Variants in PRTG observed in about 807,000 individuals in gnomAD.
The protein encoded by PRTG is immunoglobulin superfamily, DCC subclass, member 5.
In PRTG, 67 loss-of-function variants were observed where a neutral mutation model predicts 122.5. That is an observed-to-expected ratio of 0.55 (90% CI 0.45 to 0.67). The LOEUF is 0.67. PRTG is among the 30% of genes least tolerant of loss of function. The pLI is 0.00. For synonymous variants in PRTG, 554 were observed against 501.1 expected (o/e 1.11, Z -1.41); for missense variants, 1,435 against 1,415.4 (o/e 1.01, Z -0.22).
chr15:55,663,345 A>G (rs962076164), intron 11 of PRTG, among the ~76,000 whole-genome samples: 3 of 152,142 alleles, frequency 2.0e-5, no homozygotes, highest in South Asian at 2.1e-4. Context: ...TTAAAAATTA[A>G]CATATACTGA....
intron 2 of PRTG, among the ~76,000 whole-genome samples, chr15:55,714,163 GAGAAGT>G (rs1175865323): frequency 2.6e-5 from 4 of 151,764 alleles, no homozygotes; most frequent in African/African-American, 4.8e-5. Context: ...GTAACACCCT[GAGAAGT>G]AGTCATCCTT....
At chr15:55,641,384 G>C (rs535328358) in intron 11 of PRTG, among the ~76,000 whole-genome samples, 176 bp from the exon 12 acceptor site, 2 of 152,286 alleles carry the variant, frequency 1.3e-5, no homozygotes, top group African/African-American at 2.4e-5. Flanking sequence ...CACTGCTATT[G>C]TGACTATCTA....
At chr15:55,704,225 A>G (rs1338796786) in intron 2 of PRTG, among the ~76,000 whole-genome samples, 1 of 152,238 alleles carries the variant, frequency 6.6e-6, no homozygotes, top group African/African-American at 2.4e-5. Flanking sequence ...GTTCTGCTTA[A>G]TAGCTCAACT....
Position 55,615,258 on chromosome 15 carries a change from A to C in PRTG, c.*4754T>G, listed in dbSNP as rs1473544905. On this transcript the variant is annotated 3_prime_UTR_variant, in exon 20 of 20. Coordinates refer to ENST00000389286, the MANE Select transcript of PRTG (RefSeq NM_173814.6). ...TTTGTCCCAGGGAGACCTGTGTTAG[A>C]CTTCTGATCTGCAGAACTTAAGAAA... 3 of 152,096 alleles carry C rather than the reference A, an allele frequency of 2.0e-5. No homozygotes were observed. The highest frequency in any genetic ancestry group is 7.2e-5 in the African/African-American group (3 of 41,442). The allele number at this position is 152,096 out of a possible 1,614,324, so 9.4% of individuals were successfully genotyped here.
rs967914941 is a variant in PRTG, at chr15:55,619,874, T to C, written c.*138A>G. On this transcript the variant is annotated 3_prime_UTR_variant, in exon 20 of 20. Transcript: ENST00000389286. The stretch of plus-strand genomic sequence containing the variant: ...GAGCATGGCCGTCTAGATTGGAAAA[T>C]CATTTTTATCAAAGCATAGCATGGC... 3.5e-6 allele frequency: 5 copies of C among 1,441,026 alleles called. No homozygotes were observed. Among genetic ancestry groups the C allele is most frequent in the Non-Finnish European group, 4.7e-6 (5 of 1,074,130 alleles). 89.3% of individuals were successfully genotyped at this position (1,441,026 alleles called of 1,614,324 possible).
intron 12 of PRTG, among the ~76,000 whole-genome samples, chr15:55,640,554 G>A (rs2059283830): frequency 6.6e-6 from 1 of 152,214 alleles, no homozygotes; most frequent in African/African-American, 2.4e-5. Context: ...CAATTGGAGA[G>A]AAACAGCCTC....
At position 55,641,166 on chromosome 15, in the gene PRTG, T is replaced by G; in HGVS notation, c.2084A>C (p.Asn695Thr). The G allele has an allele frequency of 6.2e-7, 1 of 1,614,008 alleles. No individual in the cohort carries two copies. The highest frequency in any genetic ancestry group is 8.5e-7 in the Non-Finnish European group (1 of 1,179,894). ...ATCTGCCTGATAGCCATCGTCTATG[T>G]TGTTGTAAGCCAGGAGTCTCACATG... ...KYHVRLLAYNNIDDGYQADQT... is the reference protein window; with the variant it reads ...KYHVRLLAYNTIDDGYQADQT... The change falls in exon 12 of 20, where the codon AAC (asparagine) becomes ACC (threonine). Residue 695 changes from asparagine to threonine, a missense_variant. Transcript: ENST00000389286.
chr15:55,651,214 C>T (rs2059351535), intron 11 of PRTG, among the ~76,000 whole-genome samples: 1 of 151,960 alleles, frequency 6.6e-6, no homozygotes, highest in African/African-American at 2.4e-5. Flanking sequence ...AAACCTTTCC[C>T]CCCGCCCCCA....
intron 11 of PRTG, among the ~76,000 whole-genome samples, chr15:55,658,289 T>C (rs2059391085): frequency 6.6e-6 from 1 of 152,128 alleles, no homozygotes; most frequent in South Asian, 2.1e-4. Context: ...TGCAGTTAAA[T>C]GTTTGTGCAT....
At chr15:55,634,554 T>C (rs1227783192) in intron 15 of PRTG, among the ~76,000 whole-genome samples, 1 of 152,084 alleles carries the variant, frequency 6.6e-6, no homozygotes, top group East Asian at 1.9e-4. Context: ...TTAAGAAAAC[T>C]GTGAGGCCAG....
chr15:55,648,499 T>C (rs1247060549), intron 11 of PRTG, among the ~76,000 whole-genome samples: 3 of 152,176 alleles, frequency 2.0e-5, no homozygotes, highest in African/African-American at 7.2e-5. Flanking sequence ...AAAAACCCCA[T>C]GCCTTCGTCC....
chr15:55,689,021 A>C (rs939826027), intron 2 of PRTG, among the ~76,000 whole-genome samples: 1 of 152,142 alleles, frequency 6.6e-6, no homozygotes, highest in African/African-American at 2.4e-5. Context: ...TTTAACTCCT[A>C]AACACGTGTC....
intron 7 of PRTG, 111 bp from the exon 8 acceptor site, chr15:55,678,155 T>A: frequency 1.4e-6 from 1 of 701,256 alleles, no homozygotes; most frequent in Non-Finnish European, 2.3e-6. Flanking sequence ...AAATTAAAAT[T>A]AAAATCAAGC....
Position 55,620,157 on chromosome 15 carries a change from C to T in PRTG, c.3308G>A (p.Arg1103Lys), listed in dbSNP as rs765392141. 3 of 1,614,194 alleles carry T rather than the reference C, an allele frequency of 1.9e-6. No individual in the cohort carries two copies. The Admixed American group carries it at 5.0e-5, about 27-fold the overall frequency. The change falls in exon 20 of 20, where the codon AGA becomes AAA. Residue 1103 changes from arginine to lysine, a missense_variant. Arg to Lys is a conservative substitution (Grantham distance 26). Coordinates refer to ENST00000389286, the MANE Select transcript of PRTG (RefSeq NM_173814.6). ...TGTATCAGCTGCAACACCAAAGGGT[C>T]TTGAGAAGCTGGTTGTCTGACCTGG... ...SSPGQTTSFS[R>K]PFGVAADTEH... is the part of the protein sequence containing the mutation.
At chr15:55,645,056 G>A (rs1288555603) in intron 11 of PRTG, among the ~76,000 whole-genome samples, 1 of 151,970 alleles carries the variant, frequency 6.6e-6, no homozygotes, top group Non-Finnish European at 1.5e-5. Flanking sequence ...ATATTATTTT[G>A]GTTTATTAAT....
rs1190632634 is a variant in PRTG at position 55,641,223 on chromosome 15, A to C, written c.2042-15T>G. 2 of 1,553,560 alleles carry C rather than the reference A, an allele frequency of 1.3e-6. No individual in the cohort carries two copies. The highest frequency in any genetic ancestry group is 1.8e-6 in the Non-Finnish European group (2 of 1,125,390). On this transcript the variant is annotated splice_polypyrimidine_tract_variant and intron_variant, in intron 11 of 19. Transcript: ENST00000389286. ...TCTTCTGGGGTCTATAAAGAAACCA[A>C]TAGGAAATAATTAGGACCAGGTCTC... is the stretch of plus-strand genomic sequence containing the variant.
chr15:55,645,836 A>G (rs1230570418), intron 11 of PRTG, among the ~76,000 whole-genome samples: 5 of 152,080 alleles, frequency 3.3e-5, no homozygotes, highest in African/African-American at 1.2e-4. Flanking sequence ...GACTTAGGCT[A>G]TGTGGTTTTT....
intron 11 of PRTG, among the ~76,000 whole-genome samples, chr15:55,642,272 GTTAACTGT>G (rs2059296213): frequency 6.7e-6 from 1 of 150,212 alleles, no homozygotes; most frequent in Non-Finnish European, 1.5e-5. Flanking sequence ...ATACATTTAA[GTTAACTGT>G]TTATGATGAC....
intron 2 of PRTG, among the ~76,000 whole-genome samples, chr15:55,685,919 C>A (rs2059568063): frequency 6.6e-6 from 1 of 152,148 alleles, no homozygotes; most frequent in African/African-American, 2.4e-5. Context: ...CAACCACTTA[C>A]AATGGTGTTT....
Sources: gnomAD v4.1 joint callset for allele counts (sites outside exome capture counted in the v4.1 genomes callset) on GRCh38, gnomAD v4.1.1 for gene constraint, MANE v1.5 for transcripts, NCBI Gene and HGNC (gene_info 2026-07-23, HGNC 2026-07-21) for gene names.